NOL10: variants seen among roughly 807,000 people sequenced by gnomAD.
The protein encoded by NOL10 is nucleolar protein 10.
In NOL10, 58 loss-of-function variants were observed where a neutral mutation model predicts 103.5. The ratio of observed to expected loss-of-function variants is 0.56; its 90% confidence interval spans 0.45 to 0.70. The LOEUF is 0.70. Ranked by LOEUF, NOL10 falls within the 30% of genes least tolerant of loss-of-function variation. The pLI is 0.00. For synonymous variants in NOL10, 287 were observed against 282.5 expected, an observed-to-expected ratio of 1.02 and a Z score of -0.16; for missense variants, 763 against 807.3, an observed-to-expected ratio of 0.95 and a Z score of 0.67.
In NOL10 at chr2:10,602,791, C is replaced by G. The variant is rs913449554; in HGVS notation, c.1317G>C (p.Gln439His). 1.3e-6 allele frequency: 2 copies of G among 1,598,046 alleles called. No homozygotes were observed. Among genetic ancestry groups the G allele is most frequent in the Non-Finnish European group, 1.7e-6 (2 of 1,167,368 alleles). Residue 439 changes from glutamine to histidine, a missense_variant, in exon 16 of 21, where the codon CAG becomes CAC. Physicochemically the swap from Gln to His is conservative, Grantham distance 24. Transcript: ENST00000381685. ...IRQKIEETRAQRVQLKKLPKV... is the reference protein window; with the variant it reads ...IRQKIEETRAHRVQLKKLPKV... The stretch of plus-strand genomic sequence containing the variant: ...TAATATTTACCTTTAACTGGACTCT[C>G]TGTGCACGTGTTTCTTCTATTTTCT...
chr2:10,631,510 T>G (rs1044332735), intron 13 of NOL10, among the ~76,000 whole-genome samples: 4 of 152,196 alleles, frequency 2.6e-5, no homozygotes, highest in Non-Finnish European at 5.9e-5. Flanking sequence ...AAAGTTTAAT[T>G]AACCTATCTT....
intron 19 of NOL10, among the ~76,000 whole-genome samples, chr2:10,584,415 C>T (rs1674921105): frequency 1.3e-5 from 2 of 152,308 alleles, no homozygotes; most frequent in Admixed American, 6.5e-5. Flanking sequence ...AACAGACACA[C>T]GTGTTTATCT....
chr2:10,589,433 T>C, intron 18 of NOL10, 143 bp from the exon 19 acceptor site: 2 of 1,255,690 alleles, frequency 1.6e-6, no homozygotes, highest in Non-Finnish European at 1.1e-6. Flanking sequence ...TTTAAATAAA[T>C]AAGATAATAC....
chr2:10,655,293 G>C (rs1679768812), intron 11 of NOL10, among the ~76,000 whole-genome samples: 1 of 151,306 alleles, frequency 6.6e-6, no homozygotes, highest in Non-Finnish European at 1.5e-5. Flanking sequence ...AAAAGAAAAA[G>C]GAAAGGAAAG....
At chr2:10,643,048 A>C (rs1271810381) in intron 13 of NOL10, among the ~76,000 whole-genome samples, 1 of 152,216 alleles carries the variant, frequency 6.6e-6, no homozygotes, top group Non-Finnish European at 1.5e-5. Context: ...GAATACAAGG[A>C]AAGATGGATA....
chr2:10,621,105 T>C (rs538380832), intron 13 of NOL10, among the ~76,000 whole-genome samples: 1 of 151,650 alleles, frequency 6.6e-6, no homozygotes, highest in Admixed American at 6.6e-5. Context: ...CTGCTAATCA[T>C]TTTTTAGTGA....
chr2:10,639,855 A>G lies in NOL10; in HGVS notation c.1026+4465T>C, dbSNP rs577592256. Among the ~76,000 whole-genome samples the G allele has an allele frequency of 3.9e-5, 6 of 152,252 alleles. 1 individual carries two copies. Among genetic ancestry groups the G allele is most frequent in the Non-Finnish European group, 8.8e-5 (6 of 68,018 alleles). The stretch of plus-strand genomic sequence containing the variant: ...GAGAGAATTAAAAAAATAAAAATAA[A>G]AATAAAAAATAAGGAAAGAACTGAG... On this transcript the variant is annotated intron_variant, in intron 13 of 20. Coordinates refer to ENST00000381685, the MANE Select transcript of NOL10 (RefSeq NM_024894.4).
At chr2:10,619,528 T>C (rs1015728017) in intron 13 of NOL10, among the ~76,000 whole-genome samples, 17 of 152,314 alleles carry the variant, frequency 1.1e-4, no homozygotes, top group African/African-American at 4.1e-4. Context: ...TCTGTTAAAG[T>C]TCTCTTTTAA....
At chr2:10,669,262 G>T (rs1572414059) in intron 6 of NOL10, among the ~76,000 whole-genome samples, 1 of 150,512 alleles carries the variant, frequency 6.6e-6, no homozygotes, top group Admixed American at 6.6e-5. Context: ...CTATTTTTTT[G>T]TATTTTTAGT....
At chr2:10,625,944 T>C (rs2148230884) in intron 13 of NOL10, among the ~76,000 whole-genome samples, 1 of 152,188 alleles carries the variant, frequency 6.6e-6, no homozygotes, top group East Asian at 1.9e-4. Context: ...GAGGCCAAGA[T>C]GGGAGGATCC....
intron 6 of NOL10, among the ~76,000 whole-genome samples, chr2:10,669,493 CACAT>C (rs1175422189): frequency 1.8e-5 from 2 of 110,862 alleles, no homozygotes; most frequent in African/African-American, 7.0e-5. Context: ...CACACACACA[CACAT>C]ACACACACAC....
intron 3 of NOL10, among the ~76,000 whole-genome samples, chr2:10,677,669 C>T (rs890020970): frequency 6.6e-6 from 1 of 151,980 alleles, no homozygotes; most frequent in Admixed American, 6.6e-5. Flanking sequence ...GATGGGGTTT[C>T]ACCACGTTGC....
At chr2:10,671,893 G>A (rs1437757328) in intron 5 of NOL10, among the ~76,000 whole-genome samples, 1 of 152,096 alleles carries the variant, frequency 6.6e-6, no homozygotes, top group East Asian at 1.9e-4. Context: ...CCTGTATCCT[G>A]ATAGCTTTTC....
intron 2 of NOL10, among the ~76,000 whole-genome samples, chr2:10,684,276 C>A (rs1188831934): frequency 1.0e-4 from 14 of 134,990 alleles, no homozygotes; most frequent in Admixed American, 7.7e-5. Flanking sequence ...AACTCCATCT[C>A]AAAAAAAAAA....
At chr2:10,587,148 T>C (rs188595941) in intron 19 of NOL10, among the ~76,000 whole-genome samples, 619 of 28,376 alleles carry the variant, frequency 0.022, 137 homozygotes, top group Non-Finnish European at 0.041. Flanking sequence ...CACATATATA[T>C]ACATATATAC....
At chr2:10,637,547 C>A (rs1186424030) in intron 13 of NOL10, among the ~76,000 whole-genome samples, 2 of 152,196 alleles carry the variant, frequency 1.3e-5, no homozygotes, top group African/African-American at 4.8e-5. Context: ...GTCAGAAGGC[C>A]TCACCTCTGC....
rs988505122 is a variant in NOL10, at chr2:10,669,457, T to A, written c.465-734A>T. On this transcript the variant is annotated intron_variant, in intron 6 of 20. Coordinates refer to ENST00000381685, the MANE Select transcript of NOL10 (RefSeq NM_024894.4). ...TATGTATTTGTATATATATATATAT[T>A]TTTATTTTTTATATATATATATATA... Among the ~76,000 whole-genome samples, 80 of 135,808 alleles carry A rather than the reference T, an allele frequency of 5.9e-4. No individual in the cohort carries two copies. In the Middle Eastern group the frequency reaches 0.015, roughly 26 times the overall value. 89.1% of individuals were successfully genotyped at this position (135,808 alleles called of 152,430 possible).
intron 2 of NOL10, 115 bp downstream of exon 2, chr2:10,684,452 T>C (rs1682005689): frequency 1.2e-6 from 1 of 816,212 alleles, no homozygotes; most frequent in Non-Finnish European, 1.9e-6. Context: ...GCATTCATTT[T>C]CCACTACATG....
rs538277048 is a variant in NOL10, at chr2:10,653,028, T to C, written c.973+1453A>G. Among the ~76,000 whole-genome samples the C allele has an allele frequency of 4.6e-5, 7 of 152,138 alleles. No homozygotes were observed. In the South Asian group the frequency reaches 1.5e-3, roughly 32 times the overall value. On this transcript the variant is annotated intron_variant, in intron 12 of 20. Transcript: ENST00000381685. ...CTGGCCAACATGGCGGAACCCCGTT[T>C]CTACTAAAAATACAAAAATCAGCCA...
Sources: allele counts gnomAD v4.1 joint callset (sites outside exome capture counted in the v4.1 genomes callset), GRCh38; gene constraint gnomAD v4.1.1; transcripts MANE v1.5; gene names NCBI Gene and HGNC (gene_info 2026-07-23, HGNC 2026-07-21).